CALCR: variants seen among roughly 807,000 people sequenced by gnomAD.
CALCR encodes calcitonin receptor.
A neutral mutation model predicts 59.5 loss-of-function variants in CALCR; 47 were observed. That is an observed-to-expected ratio of 0.79 (90% CI 0.63 to 1.01). CALCR has a LOEUF of 1.01. Ranked by LOEUF, CALCR falls within the 50% of genes least tolerant of loss-of-function variation. The pLI is 0.00. For missense variants in CALCR, 566 were observed against 597.1 expected (o/e 0.95, Z 0.54); for synonymous variants, 213 against 211.3 (o/e 1.01, Z -0.07).
intron 5 of CALCR, among the ~76,000 whole-genome samples, chr7:93,473,588 C>T (rs754370273): frequency 9.1e-5 from 11 of 120,300 alleles, no homozygotes; most frequent in South Asian, 8.3e-4. Flanking sequence ...TGGCCCCCCC[C>T]CCTTTTTTTT....
At chr7:93,502,524 G>T (rs778580859) in intron 2 of CALCR, among the ~76,000 whole-genome samples, 2 of 151,672 alleles carry the variant, frequency 1.3e-5, no homozygotes, top group Non-Finnish European at 2.9e-5. Flanking sequence ...GCTAAGTTTC[G>T]CTGTATTAAC....
chr7:93,478,939 A>G (rs1275653037), intron 4 of CALCR, among the ~76,000 whole-genome samples: 1 of 151,782 alleles, frequency 6.6e-6, no homozygotes, highest in Non-Finnish European at 1.5e-5. Flanking sequence ...TGGGTTGCCA[A>G]CCAATTGACA....
chr7:93,488,160 G>T (rs912804521), intron 2 of CALCR, among the ~76,000 whole-genome samples: 1 of 151,634 alleles, frequency 6.6e-6, no homozygotes. Context: ...GCCAAACTAA[G>T]CTTCATAAGC....
rs539652103 is a variant in CALCR at position 93,426,296 on chromosome 7, C to T, written c.*60G>A. On this transcript the variant is annotated 3_prime_UTR_variant, in exon 14 of 14. Coordinates refer to ENST00000426151, the MANE Select transcript of CALCR (RefSeq NM_001742.4). ...GGGAGGATGGAGAATACTTTAAATG[C>T]ATGGTCTTTCTCCCAGGAAATGATG... 1.7e-5 allele frequency: 16 copies of T among 921,430 alleles called. No homozygotes were observed. Among genetic ancestry groups the T allele is most frequent in the Non-Finnish European group, 2.9e-5 (16 of 554,170 alleles). The allele number at this position is 921,430 out of a possible 1,614,324, so 57.1% of individuals were successfully genotyped here. A position where few individuals can be genotyped will look rare whatever the true frequency, so the allele number is the denominator to read the frequency against.
At chr7:93,451,211 A>T (rs1352398818) in intron 8 of CALCR, among the ~76,000 whole-genome samples, 1 of 152,004 alleles carries the variant, frequency 6.6e-6, no homozygotes, top group East Asian at 1.9e-4. Context: ...AATTATTTAC[A>T]CTGCATGCAA....
chr7:93,449,335 T>C (rs961372406), intron 8 of CALCR, among the ~76,000 whole-genome samples: 3 of 152,076 alleles, frequency 2.0e-5, no homozygotes, highest in African/African-American at 7.2e-5. Context: ...GGAAAAGACA[T>C]TTTAAGAGAG....
At chr7:93,518,819 T>TA (rs1357712720) in intron 2 of CALCR, among the ~76,000 whole-genome samples, 1 of 151,910 alleles carries the variant, frequency 6.6e-6, no homozygotes, top group Non-Finnish European at 1.5e-5. Flanking sequence ...AACTGTACAT[T>TA]AATATTTATA....
intron 8 of CALCR, among the ~76,000 whole-genome samples, chr7:93,456,787 T>C (rs978734657): frequency 6.6e-6 from 1 of 152,164 alleles, no homozygotes; most frequent in African/African-American, 2.4e-5. Context: ...TAAGCTTCTT[T>C]CCTTTCTTTC....
chr7:93,485,978 AT>A (rs914142153), intron 3 of CALCR, among the ~76,000 whole-genome samples: 2 of 151,582 alleles, frequency 1.3e-5, no homozygotes, highest in East Asian at 1.9e-4. Context: ...TACTAGCAAT[AT>A]TTTTTTCTTG....
rs1789948174 is a variant in CALCR at position 93,569,370 on chromosome 7, C to T, written c.-27+4919G>A. On this transcript the variant is annotated intron_variant, in intron 2 of 13. Transcript: ENST00000426151. ...TCTGTGTCCTTTAACCCTGCTGGGGCAACAAAAATACCTGTGGTTTCCCCA... is the reference window on the plus strand; with the variant it reads ...TCTGTGTCCTTTAACCCTGCTGGGGTAACAAAAATACCTGTGGTTTCCCCA... Among the ~76,000 whole-genome samples, 3 of 152,272 alleles carry T rather than the reference C, an allele frequency of 2.0e-5. No homozygotes were observed. The South Asian group carries it at 6.2e-4, about 32-fold the overall frequency.
chr7:93,425,551 T>C lies in CALCR; in HGVS notation c.*805A>G, dbSNP rs1301589932. The stretch of plus-strand genomic sequence containing the variant: ...GAGTATTGTCTTCCACTAAGAATTA[T>C]ATTTTTGGCAGTTTTGTAAAAATTT... On this transcript the variant is annotated 3_prime_UTR_variant, in exon 14 of 14. Transcript: ENST00000426151. 6 of 152,600 alleles carry C rather than the reference T, an allele frequency of 3.9e-5. No individual in the cohort carries two copies. Among genetic ancestry groups the C allele is most frequent in the Admixed American group, 2.6e-4 (4 of 15,288 alleles). 9.5% of individuals were successfully genotyped at this position (152,600 alleles called of 1,614,324 possible).
intron 2 of CALCR, among the ~76,000 whole-genome samples, chr7:93,572,201 G>A (rs1790020112): frequency 6.6e-6 from 1 of 151,820 alleles, no homozygotes; most frequent in Non-Finnish European, 1.5e-5. Flanking sequence ...ACATATATAT[G>A]TATGTTTATA....
chr7:93,562,765 A>G (rs1789777340), intron 2 of CALCR, among the ~76,000 whole-genome samples: 1 of 152,224 alleles, frequency 6.6e-6, no homozygotes, highest in African/African-American at 2.4e-5. Flanking sequence ...TGGCTCTTCA[A>G]TAAAGAATAT....
At chr7:93,467,136 T>C (rs922346079) in intron 7 of CALCR, among the ~76,000 whole-genome samples, 3 of 151,818 alleles carry the variant, frequency 2.0e-5, no homozygotes, top group African/African-American at 7.2e-5. Context: ...TGATGATGTG[T>C]TTATTTACCA....
chr7:93,552,593 C>T (rs968340642), intron 2 of CALCR, among the ~76,000 whole-genome samples: 8 of 152,124 alleles, frequency 5.3e-5, no homozygotes, highest in African/African-American at 1.2e-4. Flanking sequence ...TGGCTGAATC[C>T]GGTTTGATAT....
intron 3 of CALCR, chr7:93,483,992 G>A (rs765001549): frequency 5.8e-6 from 3 of 520,794 alleles, no homozygotes; most frequent in African/African-American, 1.9e-5. Context: ...AGTAAATGGC[G>A]TCACACATAC....
intron 6 of CALCR, among the ~76,000 whole-genome samples, 173 bp from the exon 7 acceptor site, chr7:93,468,979 T>A (rs1800496851): frequency 6.6e-6 from 1 of 151,902 alleles, no homozygotes; most frequent in Non-Finnish European, 1.5e-5. Context: ...TTTACTCATG[T>A]CATTTTATGA....
At position 93,424,775 on chromosome 7, in the gene CALCR, A is replaced by G. The variant is rs1194676395; in HGVS notation, c.*1581T>C. On this transcript the variant is annotated 3_prime_UTR_variant, in exon 14 of 14. Coordinates refer to ENST00000426151, the MANE Select transcript of CALCR (RefSeq NM_001742.4). ...GTAAACAAAAATAGAACAATACTAC[A>G]TAACACTGTGATTGGAAAAATACCT... The G allele has an allele frequency of 2.0e-5, 3 of 152,628 alleles. No homozygotes were observed. Among genetic ancestry groups the G allele is most frequent in the Non-Finnish European group, 2.9e-5 (2 of 68,008 alleles). The allele number at this position is 152,628 out of a possible 1,614,324, so 9.5% of individuals were successfully genotyped here.
At chr7:93,478,222 G>A (rs138599845) in intron 4 of CALCR, among the ~76,000 whole-genome samples, 13 of 151,566 alleles carry the variant, frequency 8.6e-5, no homozygotes, top group Non-Finnish European at 7.4e-5. Context: ...GATAAACACT[G>A]AAATTACTGC....
Sources: gnomAD v4.1 joint callset for allele counts (sites outside exome capture counted in the v4.1 genomes callset) on GRCh38, gnomAD v4.1.1 for gene constraint, MANE v1.5 for transcripts, NCBI Gene and HGNC (gene_info 2026-07-23, HGNC 2026-07-21) for gene names.